The following PDE12 variants were observed in gnomAD, a reference collection of about 807,000 sequenced individuals.
PDE12 encodes the protein phosphodiesterase 12, also known as 2',5'-phosphodiesterase 12.
A neutral mutation model predicts 45.4 loss-of-function variants in PDE12; 26 were observed. That is an observed-to-expected ratio of 0.57 (90% CI 0.42 to 0.79). PDE12 has a LOEUF of 0.79. Among genes scored for constraint, PDE12 ranks in the 30% least tolerant of loss-of-function variants. The pLI is 0.00. For synonymous variants in PDE12, 283 were observed against 323.9 expected, an observed-to-expected ratio of 0.87 and a Z score of 1.36; for missense variants, 668 against 790.0, an observed-to-expected ratio of 0.85 and a Z score of 1.85.
chr3:57,592,994 CAG>C, the PDE12 span, among the ~76,000 whole-genome samples: 1 of 152,056 alleles, frequency 6.6e-6, no homozygotes, highest in African/African-American at 2.4e-5. Flanking sequence ...CTCTTGAGCC[CAG>C]GAGTTTGAGA....
At chr3:57,597,230 G>A in the PDE12 span, 5 of 1,254,304 alleles carry the variant, frequency 4.0e-6, no homozygotes, top group African/African-American at 1.5e-5. Flanking sequence ...CAAACTAAAC[G>A]AGAGGGAAGA....
chr3:57,634,516 T>C, the PDE12 span: 1 of 1,154,836 alleles, frequency 8.7e-7, no homozygotes. Flanking sequence ...ATTACATACC[T>C]GAACAAGGAA....
chr3:57,617,506 T>C, the PDE12 span, among the ~76,000 whole-genome samples: 1 of 152,066 alleles, frequency 6.6e-6, no homozygotes, highest in East Asian at 1.9e-4. Flanking sequence ...ATACCTGCAC[T>C]CATGTGTTTA....
chr3:57,613,776 C>T, the PDE12 span, among the ~76,000 whole-genome samples: 2 of 151,380 alleles, frequency 1.3e-5, no homozygotes, highest in African/African-American at 4.8e-5. Context: ...TGGCAGGCAC[C>T]TGTAGTCCCA....
chr3:57,583,773 G>T, the PDE12 span: 1 of 694,756 alleles, frequency 1.4e-6, no homozygotes, highest in Non-Finnish European at 2.5e-6. Context: ...GAATGTGGAA[G>T]TGGTGATAAG....
At chr3:57,596,744 C>T in the PDE12 span, 1 of 300,462 alleles carries the variant, frequency 3.3e-6, no homozygotes, top group Non-Finnish European at 6.4e-6. Context: ...CCAGAAAGGG[C>T]CTCGCCAAGT....
the PDE12 span, chr3:57,597,169 A>C: frequency 1.2e-6 from 2 of 1,602,792 alleles, no homozygotes; most frequent in East Asian, 4.5e-5. Flanking sequence ...GATGGGCAGA[A>C]GCAGAAGGGG....
chr3:57,591,045 A>C, the PDE12 span, among the ~76,000 whole-genome samples: 4 of 152,176 alleles, frequency 2.6e-5, no homozygotes, highest in Non-Finnish European at 4.4e-5. Flanking sequence ...AATGTCCCCC[A>C]CAGTCACAGA....
In PDE12 at chr3:57,556,669, A is replaced by G; in HGVS notation, c.290A>G (p.Lys97Arg). 3 of 1,599,656 alleles carry G rather than the reference A, an allele frequency of 1.9e-6. No individual in the cohort carries two copies. The highest frequency in any genetic ancestry group is 2.6e-6 in the Non-Finnish European group (3 of 1,170,034). Residue 97 changes from lysine (K) to arginine (R), a missense_variant, in exon 1 of 3, where the codon AAG (lysine) becomes AGG (arginine). Physicochemically the swap from Lys to Arg is conservative, Grantham distance 26. Around this residue, in one of 3 missense-constraint regions of PDE12, gnomAD observed 580 missense variants for 662.9 expected, o/e 0.87. Transcript: ENST00000311180. This position sits in a 1 kb window ranked among gnomAD's most constrained non-coding sequence, Gnocchi z 5.0. ...GCGGCCGCCGCCAAGAAGAGCAGGA[A>G]GAGCCGGCCGAATGCTAGCGGCGGT... ...AKAAAAKKSR[K>R]SRPNASGGAA... is the part of the protein sequence containing the mutation.
the PDE12 span, among the ~76,000 whole-genome samples, chr3:57,646,722 ATTG>A: frequency 2.0e-5 from 3 of 152,218 alleles, no homozygotes; most frequent in Non-Finnish European, 2.9e-5. Flanking sequence ...TAATTCTCAA[ATTG>A]TTGTACCATA....
chr3:57,645,544 C>T, the PDE12 span: 17 of 626,286 alleles, frequency 2.7e-5, no homozygotes, highest in Non-Finnish European at 4.3e-5. Flanking sequence ...TCCAGCAGCT[C>T]CTCAAACTTT....
the PDE12 span, among the ~76,000 whole-genome samples, chr3:57,593,392 T>G: frequency 6.6e-6 from 1 of 152,152 alleles, no homozygotes; most frequent in African/African-American, 2.4e-5. Context: ...TTACAAAATA[T>G]GCTAAGAAAC....
chr3:57,585,908 C>T, the PDE12 span, among the ~76,000 whole-genome samples: 3 of 152,038 alleles, frequency 2.0e-5, no homozygotes, highest in Non-Finnish European at 2.9e-5. Flanking sequence ...GTGATCTGCC[C>T]GCCTCAGCCT....
chr3:57,601,743 C>CTT, the PDE12 span, among the ~76,000 whole-genome samples: 37 of 103,730 alleles, frequency 3.6e-4, no homozygotes, highest in East Asian at 1.1e-3. Context: ...TTCTTTCCTT[C>CTT]TTTTTTTTTT....
chr3:57,598,989 T>A, the PDE12 span, among the ~76,000 whole-genome samples: 1 of 152,130 alleles, frequency 6.6e-6, no homozygotes, highest in Non-Finnish European at 1.5e-5. Context: ...GAAAGTTAAT[T>A]TTGCCAAAGT....
At chr3:57,633,268 T>A in the PDE12 span, 1 of 1,611,280 alleles carries the variant, frequency 6.2e-7, no homozygotes. Context: ...AACTTACTAA[T>A]GGAATGATGA....
the PDE12 span, among the ~76,000 whole-genome samples, chr3:57,604,969 G>T: frequency 6.6e-6 from 1 of 151,982 alleles, no homozygotes. Flanking sequence ...CTCACTTCTA[G>T]CCAAGACCAA....
At chr3:57,557,838 CTTCA>C (rs2069683754) in intron 1 of PDE12, 151 bp downstream of exon 1, 2 of 749,616 alleles carry the variant, frequency 2.7e-6, no homozygotes, top group Non-Finnish European at 4.3e-6. Context: ...AAAGTTTACT[CTTCA>C]TTCATTCAGC....
At chr3:57,567,680 T>A (rs2069798609), downstream of PDE12, among the ~76,000 whole-genome samples, 1 of 152,200 alleles carries the variant, frequency 6.6e-6, no homozygotes, top group African/African-American at 2.4e-5. Context: ...AGACTGTTAT[T>A]ATTCAATCTA....
Sources: allele counts gnomAD v4.1 joint callset (sites outside exome capture counted in the v4.1 genomes callset), GRCh38; gene constraint gnomAD v4.1.1; regional missense constraint gnomAD v4.1.1; non-coding constraint Gnocchi (gnomAD v3.1); transcripts MANE v1.5; gene names NCBI Gene and HGNC (gene_info 2026-07-23, HGNC 2026-07-21).